CCDC102B: variants seen among roughly 807,000 people sequenced by gnomAD.
CCDC102B encodes coiled-coil domain-containing protein 102B.
Under a neutral mutation model 57.4 loss-of-function variants are expected in CCDC102B, and 75 were observed. The observed-to-expected ratio is 1.31, with a 90% confidence interval of 1.08 to 1.58. CCDC102B has a LOEUF of 1.58. Ranked by LOEUF, CCDC102B falls within the 40% of genes most tolerant of loss-of-function variation. The pLI is 0.00. For synonymous variants in CCDC102B, 206 were observed against 201.9 expected, an observed-to-expected ratio of 1.02 and a Z score of -0.17; for missense variants, 636 against 582.6, an observed-to-expected ratio of 1.09 and a Z score of -0.94.
At chr18:68,995,983 G>C (rs1454937944) in intron 6 of CCDC102B, among the ~76,000 whole-genome samples, 3 of 152,188 alleles carry the variant, frequency 2.0e-5, no homozygotes, top group African/African-American at 4.8e-5. Context: ...AGCGTGACCT[G>C]GATGTGAGAC....
chr18:68,943,144 A>T (rs2049434281), intron 6 of CCDC102B, among the ~76,000 whole-genome samples: 1 of 149,722 alleles, frequency 6.7e-6, no homozygotes, highest in Non-Finnish European at 1.5e-5. Context: ...AGGCAGAAGA[A>T]TTTTTCTTAG....
intron 6 of CCDC102B, among the ~76,000 whole-genome samples, chr18:68,936,570 C>T (rs550652195): frequency 2.0e-5 from 3 of 151,874 alleles, no homozygotes; most frequent in East Asian, 1.9e-4. Context: ...TTTTTAGAAA[C>T]GGATGATTCC....
At chr18:68,949,270 C>A (rs1315587875) in intron 6 of CCDC102B, among the ~76,000 whole-genome samples, 1 of 151,950 alleles carries the variant, frequency 6.6e-6, no homozygotes, top group African/African-American at 2.4e-5. Flanking sequence ...AGTTGACACT[C>A]AATATTAACC....
At chr18:68,743,170 A>G (rs1328236011) in intron 2 of CCDC102B, among the ~76,000 whole-genome samples, 1 of 151,896 alleles carries the variant, frequency 6.6e-6, no homozygotes. Context: ...CTTTGAGACC[A>G]GCCTGGCCAA....
At chr18:68,956,255 T>C (rs1308926435) in intron 6 of CCDC102B, among the ~76,000 whole-genome samples, 1 of 144,222 alleles carries the variant, frequency 6.9e-6, no homozygotes, top group Non-Finnish European at 1.5e-5. Flanking sequence ...CTATTGTAAA[T>C]AGTGCTAAAA....
chr18:69,054,699 A>G lies in CCDC102B; in HGVS notation c.*562A>G. 1.2e-5 allele frequency: 12 copies of G among 984,150 alleles called. No homozygotes were observed. The highest frequency in any genetic ancestry group is 1.3e-5 in the Non-Finnish European group (11 of 828,798). 61.0% of individuals were successfully genotyped at this position (984,150 alleles called of 1,614,324 possible). ...GAAGTGAGCAGATGAATCAGAAAAA[A>G]GTGTTTTGTATTTTAAAGTAACAGA... On this transcript the variant is annotated 3_prime_UTR_variant, in exon 8 of 8. Coordinates refer to ENST00000360242, the MANE Select transcript of CCDC102B (RefSeq NM_024781.3).
intron 6 of CCDC102B, 85 bp downstream of exon 6, chr18:68,897,513 C>T: frequency 6.5e-7 from 1 of 1,546,244 alleles, no homozygotes. Flanking sequence ...GTACACGCCT[C>T]CACATTTGGA....
At chr18:68,811,269 A>T (rs1393818164) in intron 1 of CCDC102B, among the ~76,000 whole-genome samples, 1 of 152,148 alleles carries the variant, frequency 6.6e-6, no homozygotes, top group African/African-American at 2.4e-5. Flanking sequence ...TTTAGGTATA[A>T]AACAATATAC....
chr18:68,722,690 C>T (rs2032402252), intron 2 of CCDC102B, among the ~76,000 whole-genome samples: 1 of 152,104 alleles, frequency 6.6e-6, no homozygotes, highest in South Asian at 2.1e-4. Context: ...GGGCAGAGTA[C>T]CCGCCAGATC....
chr18:68,790,477 G>T (rs1465547231), intron 2 of CCDC102B, among the ~76,000 whole-genome samples: 1 of 151,362 alleles, frequency 6.6e-6, no homozygotes, highest in African/African-American at 2.4e-5. Flanking sequence ...CTAGCAATCA[G>T]CGAGACTCCG....
In CCDC102B at chr18:68,856,243, T is replaced by C. The variant is rs116044574; in HGVS notation, c.936+9822T>C. Among the ~76,000 whole-genome samples the C allele has an allele frequency of 2.9e-3, 446 of 152,280 alleles. 2 individuals carry two copies. The highest frequency in any genetic ancestry group is 0.01 in the African/African-American group (430 of 41,576). On this transcript the variant is annotated intron_variant, in intron 4 of 7. Coordinates refer to ENST00000360242, the MANE Select transcript of CCDC102B (RefSeq NM_024781.3). Reference sequence around the variant, plus strand: ...AATTATGTTAATTCTTTTAAAACTCTATTTTTTCTATAGGAAAAATGTAAA... The same window carrying C: ...AATTATGTTAATTCTTTTAAAACTCCATTTTTTCTATAGGAAAAATGTAAA...
intron 6 of CCDC102B, among the ~76,000 whole-genome samples, chr18:68,936,746 CAT>C (rs147923317): frequency 0.28 from 41,096 of 148,756 alleles, 7,114 homozygotes; most frequent in East Asian, 0.64. Flanking sequence ...GGACAACTTT[CAT>C]ATATATATAT....
chr18:68,852,259 C>A (rs2038163413), intron 4 of CCDC102B, among the ~76,000 whole-genome samples: 1 of 151,994 alleles, frequency 6.6e-6, no homozygotes, highest in Non-Finnish European at 1.5e-5. Flanking sequence ...TTTTTTTCTT[C>A]TTTTACTAGG....
chr18:68,744,339 T>C (rs956581382), intron 2 of CCDC102B, among the ~76,000 whole-genome samples: 3 of 152,194 alleles, frequency 2.0e-5, no homozygotes, highest in Non-Finnish European at 1.5e-5. Context: ...ACTATTGAAC[T>C]GTGGAGGTTT....
At chr18:68,955,264 A>G (rs1275408270) in intron 6 of CCDC102B, among the ~76,000 whole-genome samples, 2 of 152,156 alleles carry the variant, frequency 1.3e-5, no homozygotes, top group African/African-American at 4.8e-5. Context: ...AAAATGAAGG[A>G]AGGAAAAAAC....
chr18:68,914,874 G>A (rs2041007859), intron 6 of CCDC102B, among the ~76,000 whole-genome samples: 1 of 152,044 alleles, frequency 6.6e-6, no homozygotes, highest in Admixed American at 6.6e-5. Flanking sequence ...GGTAAAATTG[G>A]TTTGTTATAC....
At chr18:68,797,094 A>G (rs1374072511), upstream of CCDC102B, among the ~76,000 whole-genome samples, 1 of 152,040 alleles carries the variant, frequency 6.6e-6, no homozygotes, top group Non-Finnish European at 1.5e-5. Flanking sequence ...TCAAAGATAG[A>G]GGAGAGAGAA....
At chr18:68,987,492 A>G (rs1404515679) in intron 6 of CCDC102B, among the ~76,000 whole-genome samples, 1 of 152,150 alleles carries the variant, frequency 6.6e-6, no homozygotes, top group African/African-American at 2.4e-5. Context: ...CTCAGCGTCA[A>G]CCTTGGCAGG....
rs1438637834 is a variant in CCDC102B, at chr18:68,950,042, C to A, written c.1263+52614C>A. On this transcript the variant is annotated intron_variant, in intron 6 of 7. Transcript: ENST00000360242. ...TCAATTCATATTTACATGAATCTGT[C>A]TAAGCTGACAACCTAAATATTAAGT... Among the ~76,000 whole-genome samples the A allele has an allele frequency of 3.3e-5, 5 of 152,184 alleles. 1 individual carries two copies. In the South Asian group the frequency reaches 8.3e-4, roughly 25 times the overall value.
Sources: gnomAD v4.1 joint callset for allele counts (sites outside exome capture counted in the v4.1 genomes callset) on GRCh38, gnomAD v4.1.1 for gene constraint, MANE v1.5 for transcripts, NCBI Gene and HGNC (gene_info 2026-07-23, HGNC 2026-07-21) for gene names.